SH3RF3: variants seen among roughly 807,000 people sequenced by gnomAD.
The protein encoded by SH3RF3 is SH3 domain containing ring finger 3.
Under a neutral mutation model 66.3 loss-of-function variants are expected in SH3RF3, and 29 were observed. The ratio of observed to expected loss-of-function variants is 0.44; its 90% confidence interval spans 0.33 to 0.60. The LOEUF (loss-of-function observed/expected upper bound fraction) is 0.60. SH3RF3 is among the 20% of genes least tolerant of loss of function. SH3RF3 has a pLI of 0.04. For synonymous variants in SH3RF3, 583 were observed against 532.0 expected, an observed-to-expected ratio of 1.10 and a Z score of -1.32; for missense variants, 1,194 against 1,190.9, an observed-to-expected ratio of 1.00 and a Z score of -0.04.
At chr2:109,350,619 C>T (rs1347110890) in intron 2 of SH3RF3, among the ~76,000 whole-genome samples, 1 of 152,234 alleles carries the variant, frequency 6.6e-6, no homozygotes, top group Non-Finnish European at 1.5e-5. Flanking sequence ...CTCCAAGAGA[C>T]ATGGGCAACT....
intron 5 of SH3RF3, among the ~76,000 whole-genome samples, chr2:109,425,936 C>T (rs1433724585): frequency 1.3e-5 from 2 of 152,052 alleles, no homozygotes; most frequent in South Asian, 2.1e-4. Context: ...TTCACTCTGT[C>T]GTCCAGGCTG....
At chr2:109,339,089 C>T (rs1394272445) in intron 1 of SH3RF3, among the ~76,000 whole-genome samples, 2 of 152,170 alleles carry the variant, frequency 1.3e-5, no homozygotes, top group African/African-American at 4.8e-5. Flanking sequence ...ACATCTTCAT[C>T]ATCTTCACGT....
At chr2:109,366,711 C>T (rs1038507723) in intron 2 of SH3RF3, among the ~76,000 whole-genome samples, 3 of 152,032 alleles carry the variant, frequency 2.0e-5, no homozygotes, top group Admixed American at 6.5e-5. Context: ...AAATTAGCTG[C>T]GTGTGGTGGC....
intron 5 of SH3RF3, 115 bp from the exon 6 acceptor site, chr2:109,432,386 T>C: frequency 3.8e-6 from 5 of 1,328,074 alleles, no homozygotes; most frequent in East Asian, 5.0e-5. Flanking sequence ...CCATAGACTC[T>C]AGTGGGTCTT....
intron 1 of SH3RF3, among the ~76,000 whole-genome samples, chr2:109,190,646 T>A (rs1313148495): frequency 1.3e-5 from 2 of 152,198 alleles, no homozygotes; most frequent in Admixed American, 1.3e-4. Flanking sequence ...AAAATCTTTC[T>A]TATTGTTTCA....
At chr2:109,257,536 A>G (rs1256151580) in intron 1 of SH3RF3, among the ~76,000 whole-genome samples, 2 of 152,138 alleles carry the variant, frequency 1.3e-5, no homozygotes, top group Non-Finnish European at 2.9e-5. Flanking sequence ...GTTGTCAGCT[A>G]GGAAACTGTG....
intron 1 of SH3RF3, among the ~76,000 whole-genome samples, chr2:109,271,518 C>T (rs1256351795): frequency 2.0e-5 from 3 of 152,206 alleles, no homozygotes; most frequent in Non-Finnish European, 4.4e-5. Flanking sequence ...AACATGACAG[C>T]AGTGAACAGA....
At chr2:109,149,142 G>T (rs576029496) in intron 1 of SH3RF3, among the ~76,000 whole-genome samples, 1 of 152,256 alleles carries the variant, frequency 6.6e-6, no homozygotes, top group African/African-American at 2.4e-5. Context: ...GCTGAGACTG[G>T]CCTAGGAGCT....
chr2:109,242,768 G>A (rs894704903), intron 1 of SH3RF3, among the ~76,000 whole-genome samples: 4 of 152,152 alleles, frequency 2.6e-5, no homozygotes, highest in Non-Finnish European at 2.9e-5. Flanking sequence ...CCCCAGTGAC[G>A]TCCTCAGGCT....
At position 109,316,431 on chromosome 2, in the gene SH3RF3, C is replaced by T. The variant is rs571697372; in HGVS notation, c.574-31243C>T. On this transcript the variant is annotated intron_variant, in intron 1 of 9. Transcript: ENST00000309415. Reference sequence around the variant, plus strand: ...CTTCCTGTCTATCACAGGAGGAACACAGGTGTGATGTCAGTGTGATCTTCA... The same window carrying T: ...CTTCCTGTCTATCACAGGAGGAACATAGGTGTGATGTCAGTGTGATCTTCA... 2.1e-3 allele frequency among the ~76,000 whole-genome samples: 313 copies of T among 152,306 alleles called. 1 individual carries two copies. Among genetic ancestry groups the T allele is most frequent in the African/African-American group, 6.9e-3 (286 of 41,548 alleles).
At chr2:109,254,191 A>G (rs535065634) in intron 1 of SH3RF3, among the ~76,000 whole-genome samples, 3 of 152,260 alleles carry the variant, frequency 2.0e-5, no homozygotes, top group African/African-American at 4.8e-5. Context: ...TTCTGTTAGC[A>G]TTTTATAGAC....
At position 109,315,912 on chromosome 2, in the gene SH3RF3, C is replaced by T. The variant is rs570704135; in HGVS notation, c.574-31762C>T. On this transcript the variant is annotated intron_variant, in intron 1 of 9. Transcript: ENST00000309415. ...AACGTCACCTGCGACCAGCATAGGTCTGTGTCTCTGGGTTGTTTTGGAGAA... is the reference window on the plus strand; with the variant it reads ...AACGTCACCTGCGACCAGCATAGGTTTGTGTCTCTGGGTTGTTTTGGAGAA... 8.5e-5 allele frequency among the ~76,000 whole-genome samples: 13 copies of T among 152,278 alleles called. No individual in the cohort carries two copies. In the East Asian group the frequency reaches 1.7e-3, roughly 20 times the overall value.
intron 8 of SH3RF3, among the ~76,000 whole-genome samples, chr2:109,471,357 T>G (rs1344142071): frequency 6.6e-6 from 1 of 152,118 alleles, no homozygotes; most frequent in Admixed American, 6.5e-5. Flanking sequence ...AAGCACCTTC[T>G]TCACAAGGCG....
At chr2:109,307,076 G>A (rs1337282222) in intron 1 of SH3RF3, among the ~76,000 whole-genome samples, 1 of 152,066 alleles carries the variant, frequency 6.6e-6, no homozygotes, top group Non-Finnish European at 1.5e-5. Context: ...TTGATTCTTT[G>A]TGTAATCAAC....
At chr2:109,278,260 G>T (rs967423764) in intron 1 of SH3RF3, among the ~76,000 whole-genome samples, 1 of 152,168 alleles carries the variant, frequency 6.6e-6, no homozygotes, top group African/African-American at 2.4e-5. Context: ...TGAGCCCACG[G>T]TAGGCACTTT....
At chr2:109,249,486 T>C (rs1219459275) in intron 1 of SH3RF3, among the ~76,000 whole-genome samples, 2 of 21,098 alleles carry the variant, frequency 9.5e-5, no homozygotes, top group African/African-American at 4.2e-4. Flanking sequence ...TCTTTCTTTC[T>C]TTCTTTCTTT....
intron 1 of SH3RF3, among the ~76,000 whole-genome samples, chr2:109,182,028 T>G (rs1678086490): frequency 6.6e-6 from 1 of 152,190 alleles, no homozygotes; most frequent in South Asian, 2.1e-4. Flanking sequence ...TCAAAAAAAT[T>G]ATCTATGTGA....
chr2:109,455,345 A>C (rs1678020505), intron 8 of SH3RF3, among the ~76,000 whole-genome samples: 1 of 152,172 alleles, frequency 6.6e-6, no homozygotes, highest in African/African-American at 2.4e-5. Context: ...TGAATCACTT[A>C]CCAGTCCATG....
chr2:109,410,489 T>C (rs1194960994), intron 4 of SH3RF3, among the ~76,000 whole-genome samples: 1 of 152,200 alleles, frequency 6.6e-6, no homozygotes, highest in Non-Finnish European at 1.5e-5. Flanking sequence ...TTGTGCTAAG[T>C]TCCATCAGAC....
Sources: gnomAD v4.1 joint callset for allele counts (sites outside exome capture counted in the v4.1 genomes callset) on GRCh38, gnomAD v4.1.1 for gene constraint, MANE v1.5 for transcripts, NCBI Gene and HGNC (gene_info 2026-07-23, HGNC 2026-07-21) for gene names.